The following AKAP8 variants were observed in gnomAD, a reference collection of about 807,000 sequenced individuals.
AKAP8 encodes A-kinase anchor protein 8.
Under a neutral mutation model 67.5 loss-of-function variants are expected in AKAP8, and 24 were observed. The ratio of observed to expected loss-of-function variants is 0.36; its 90% CI spans 0.26 to 0.50. The LOEUF is 0.50. Among genes scored for constraint, AKAP8 ranks in the 20% least tolerant of loss-of-function variants. The probability of loss-of-function intolerance (pLI) is 0.97; values close to 1 mark genes in which losing one functional copy is unlikely to be tolerated. For missense variants in AKAP8, 971 were observed against 955.9 expected, an observed-to-expected ratio of 1.02 and a Z score of -0.21; for synonymous variants, 400 against 371.1, an observed-to-expected ratio of 1.08 and a Z score of -0.90.
rs763338141 is a variant in AKAP8 at position 15,369,738 on chromosome 19, G to T, written c.1072+408C>A. ...CCACAGAGGCCCACAGCACAGCCCA[G>T]GGCAGGCGACTGAAGGAACTGGACA... On this transcript the variant is annotated intron_variant, in intron 8 of 13. Transcript: ENST00000269701. The surrounding 1 kb of genome is among the most constrained non-coding windows in gnomAD (Gnocchi z 4.6). Among the ~76,000 whole-genome samples the T allele has an allele frequency of 9.2e-4, 140 of 152,310 alleles. No individual in the cohort carries two copies. The highest frequency in any genetic ancestry group is 1.7e-3 in the Non-Finnish European group (119 of 68,016).
Position 15,362,228 on chromosome 19 carries a change from CA to C in AKAP8, c.1183del (p.Cys395AlafsTer27). The C allele has an allele frequency of 6.2e-7, 1 of 1,614,086 alleles. No individual in the cohort carries two copies. Among genetic ancestry groups the C allele is most frequent in the Non-Finnish European group, 8.5e-7 (1 of 1,180,002 alleles). On this transcript the variant is annotated frameshift_variant, in exon 10 of 14. Coordinates refer to ENST00000269701, the MANE Select transcript of AKAP8 (RefSeq NM_005858.4). LOFTEE classifies it high-confidence loss of function. The stretch of plus-strand genomic sequence containing the variant: ...TTCGTCATCAAAGCTACGGAACTTG[CA>C]TACAGAACAGGCAAACTGAATTCTG... ...ADRIQFACSV[C>X]KFRSFDDEEI... is the part of the protein sequence containing the mutation.
intron 13 of AKAP8, 104 bp downstream of exon 13, chr19:15,358,862 GA>G: frequency 9.6e-7 from 1 of 1,044,196 alleles, no homozygotes; most frequent in Non-Finnish European, 1.5e-6. Context: ...ACTGTCAAAA[GA>G]CTCAGAAATG....
chr19:15,376,212 G>A (rs562605590), intron 2 of AKAP8, among the ~76,000 whole-genome samples: 6 of 152,108 alleles, frequency 3.9e-5, no homozygotes, highest in East Asian at 3.9e-4. Context: ...GTGCTGCCTC[G>A]CCCAGCTAAT....
At chr19:15,377,283 C>T (rs1460111754) in intron 1 of AKAP8, among the ~76,000 whole-genome samples, 1 of 152,166 alleles carries the variant, frequency 6.6e-6, no homozygotes, top group African/African-American at 2.4e-5. Context: ...CCAAGGACCT[C>T]ACCTCTCCAA....
At chr19:15,370,102 C>G (rs773748067) in intron 8 of AKAP8, 44 bp downstream of exon 8, 3 of 1,612,708 alleles carry the variant, frequency 1.9e-6, no homozygotes, top group Non-Finnish European at 2.5e-6. Context: ...TGCGGGGCAG[C>G]TGGGAAGACA....
intron 7 of AKAP8, among the ~76,000 whole-genome samples, chr19:15,371,658 T>A (rs1315403901): frequency 6.6e-6 from 1 of 151,926 alleles, no homozygotes; most frequent in Non-Finnish European, 1.5e-5. Context: ...CTGGCTAATT[T>A]TTGTATTTTT....
rs145502968 is a variant in AKAP8 at position 15,374,243 on chromosome 19, G to A, written c.92-178C>T. On this transcript the variant is annotated intron_variant, in intron 3 of 13. Transcript: ENST00000269701. Reference sequence around the variant, plus strand: ...GCCAAGAGGCAGCAGGAGGTGGCCAGAGAAAGGGGCAGCCTCAGTGCCGAG... The same window carrying A: ...GCCAAGAGGCAGCAGGAGGTGGCCAAAGAAAGGGGCAGCCTCAGTGCCGAG... Among the ~76,000 whole-genome samples the A allele has an allele frequency of 1.7e-3, 264 of 152,362 alleles. 1 individual carries two copies. The highest frequency in any genetic ancestry group is 5.9e-3 in the African/African-American group (246 of 41,586).
chr19:15,360,142 A>C (rs947184422), intron 12 of AKAP8, among the ~76,000 whole-genome samples: 4 of 152,076 alleles, frequency 2.6e-5, no homozygotes, highest in African/African-American at 2.4e-5. Context: ...TAAAAAAAAA[A>C]CAAAAAAACA....
At position 15,360,828 on chromosome 19, in the gene AKAP8, G is replaced by A; in HGVS notation, c.1527+20C>T. ...AGCCCTGCAATGAGCACCCCAGGCAGTGTGGGGAGGAAGACTCACCCTGCG... is the reference window on the plus strand; with the variant it reads ...AGCCCTGCAATGAGCACCCCAGGCAATGTGGGGAGGAAGACTCACCCTGCG... On this transcript the variant is annotated intron_variant, in intron 12 of 13. Coordinates refer to ENST00000269701, the MANE Select transcript of AKAP8 (RefSeq NM_005858.4). The A allele has an allele frequency of 6.2e-7, 1 of 1,609,116 alleles. No individual in the cohort carries two copies. The highest frequency in any genetic ancestry group is 8.5e-7 in the Non-Finnish European group (1 of 1,177,360).
At chr19:15,371,893 G>A (rs1343874067) in intron 7 of AKAP8, 59 bp downstream of exon 7, 4 of 1,573,996 alleles carry the variant, frequency 2.5e-6, no homozygotes, top group Non-Finnish European at 3.5e-6. Flanking sequence ...GTGAGGAAGG[G>A]TGATTAAAGA....
chr19:15,363,762 T>C (rs1483554288), intron 9 of AKAP8, among the ~76,000 whole-genome samples: 1 of 152,206 alleles, frequency 6.6e-6, no homozygotes, highest in Non-Finnish European at 1.5e-5. Flanking sequence ...GGTTGCTGTG[T>C]CTGTGTAGAA....
chr19:15,360,705 A>G, intron 12 of AKAP8, 143 bp downstream of exon 12: 1 of 1,074,652 alleles, frequency 9.3e-7, no homozygotes, highest in Non-Finnish European at 1.3e-6. Context: ...ATTGAGACGA[A>G]TCTTACGACC....
At chr19:15,356,060 C>T (rs1289223917) in intron 13 of AKAP8, among the ~76,000 whole-genome samples, 7 of 151,920 alleles carry the variant, frequency 4.6e-5, no homozygotes, top group Admixed American at 3.9e-4. Flanking sequence ...AAGCATGTAC[C>T]AGCGAGGAAA....
Position 15,379,754 on chromosome 19 carries a change from A to C in AKAP8, c.-23T>G. The stretch of plus-strand genomic sequence containing the variant: ...CATGTCTTCGACGCGGCCCACCAGC[A>C]GCCCCGTTTACTAGGCGACCACAGC... On this transcript the variant is annotated 5_prime_UTR_variant, in exon 1 of 14. Coordinates refer to ENST00000269701, the MANE Select transcript of AKAP8 (RefSeq NM_005858.4). The C allele has an allele frequency of 6.2e-7, 1 of 1,610,526 alleles. No individual in the cohort carries two copies. Among genetic ancestry groups the C allele is most frequent in the Non-Finnish European group, 8.5e-7 (1 of 1,178,710 alleles).
intron 1 of AKAP8, 68 bp from the exon 2 acceptor site, chr19:15,377,082 T>C: frequency 6.6e-7 from 1 of 1,523,542 alleles, no homozygotes; most frequent in Non-Finnish European, 9.0e-7. Context: ...TTGGGGGTAC[T>C]CCTAAAGGGA....
rs747398705 is a variant in AKAP8, at chr19:15,368,365, A to C, written c.1073-43T>G. On this transcript the variant is annotated intron_variant, in intron 8 of 13. Transcript: ENST00000269701. The stretch of plus-strand genomic sequence containing the variant: ...CTTCGAGACGCTCTGAGTGGCCTGC[A>C]AAGGAGCTGAGCTCCAGGGCCTGGT... 2.7e-5 allele frequency: 43 copies of C among 1,611,794 alleles called. No homozygotes were observed. The African/African-American group carries it at 5.6e-4, about 21-fold the overall frequency.
At chr19:15,363,195 C>T (rs1443234833) in intron 9 of AKAP8, among the ~76,000 whole-genome samples, 62 of 150,752 alleles carry the variant, frequency 4.1e-4, no homozygotes, top group African/African-American at 9.3e-4. Flanking sequence ...GGAGCGTCTC[C>T]GCCCGGCAGC....
chr19:15,358,845 T>C, intron 13 of AKAP8, 122 bp downstream of exon 13: 1 of 855,874 alleles, frequency 1.2e-6, no homozygotes. Flanking sequence ...CATTCCAGTG[T>C]CCCTCAACTG....
In AKAP8 at chr19:15,365,922, C is replaced by A. The variant is rs542030788; in HGVS notation, c.1160+2313G>T. 2.7e-4 allele frequency among the ~76,000 whole-genome samples: 41 copies of A among 151,238 alleles called. 3 individuals carry two copies. In the South Asian group the frequency reaches 8.6e-3, roughly 32 times the overall value. The stretch of plus-strand genomic sequence containing the variant: ...CCTGTAATTCCAGCTACTTGGGAGG[C>A]GGAGGTAGGAGGATCACTTGAGCCC... On this transcript the variant is annotated intron_variant, in intron 9 of 13. Coordinates refer to ENST00000269701, the MANE Select transcript of AKAP8 (RefSeq NM_005858.4).
Sources: gnomAD v4.1 joint callset for allele counts (sites outside exome capture counted in the v4.1 genomes callset) on GRCh38, gnomAD v4.1.1 for gene constraint, Gnocchi (gnomAD v3.1) non-coding constraint, MANE v1.5 for transcripts, NCBI Gene and HGNC (gene_info 2026-07-23, HGNC 2026-07-21) for gene names.